Variants in SPAG16 observed in about 807,000 individuals in gnomAD.
The protein encoded by SPAG16 is sperm-associated antigen 16 protein.
SPAG16 carries 86 observed loss-of-function variants against 80.4 expected under a neutral mutation model. The observed-to-expected ratio is 1.07, with a 90% confidence interval of 0.90 to 1.28. The LOEUF is 1.28. Among genes scored for constraint, SPAG16 ranks in the 50% most tolerant of loss-of-function variants. The probability of loss-of-function intolerance (pLI) is 0.00; values close to 1 mark genes in which losing one functional copy is unlikely to be tolerated. For synonymous variants in SPAG16, 294 were observed against 265.9 expected, an observed-to-expected ratio of 1.11 and a Z score of -1.03; for missense variants, 870 against 765.3, an observed-to-expected ratio of 1.14 and a Z score of -1.61.
intron 9 of SPAG16, among the ~76,000 whole-genome samples, chr2:213,462,018 A>G (rs897449593): frequency 1.3e-5 from 2 of 152,210 alleles, no homozygotes; most frequent in African/African-American, 4.8e-5. Context: ...ATTATCAGTC[A>G]TAAATGAGAT....
At chr2:213,608,017 T>A (rs920769713) in intron 10 of SPAG16, among the ~76,000 whole-genome samples, 3 of 152,192 alleles carry the variant, frequency 2.0e-5, no homozygotes, top group Non-Finnish European at 2.9e-5. Flanking sequence ...TAATTTTTTT[T>A]ATAATGTTAT....
At chr2:214,177,977 A>G (rs1234082942) in intron 15 of SPAG16, among the ~76,000 whole-genome samples, 330 of 12,590 alleles carry the variant, frequency 0.026, 9 homozygotes, top group African/African-American at 0.044. Context: ...GTATGTATAT[A>G]TATATATATA....
intron 15 of SPAG16, chr2:214,239,132 G>C (rs968895745): frequency 6.6e-6 from 1 of 152,104 alleles, no homozygotes; most frequent in African/African-American, 2.4e-5. Flanking sequence ...GTGGCCTCAA[G>C]TAATTCTCCT....
intron 6 of SPAG16, 27 bp downstream of exon 6, chr2:213,340,297 A>G: frequency 2.1e-6 from 3 of 1,422,774 alleles, no homozygotes; most frequent in Middle Eastern, 1.8e-4. Flanking sequence ...TGGCATATTT[A>G]TTAAAGAGTT....
intron 10 of SPAG16, among the ~76,000 whole-genome samples, chr2:213,554,145 A>C (rs1482666933): frequency 6.6e-6 from 1 of 152,228 alleles, no homozygotes; most frequent in African/African-American, 2.4e-5. Context: ...CTCTGGTATG[A>C]GAAAAGGAGG....
At chr2:213,679,486 T>C (rs114508061) in intron 10 of SPAG16, among the ~76,000 whole-genome samples, 7,163 of 152,276 alleles carry the variant, frequency 0.047, 252 homozygotes, top group Middle Eastern at 0.088. Context: ...AATTTTGCCT[T>C]AACGTCCTTT....
intron 15 of SPAG16, among the ~76,000 whole-genome samples, chr2:214,320,663 G>C (rs1328679885): frequency 6.6e-6 from 1 of 152,146 alleles, no homozygotes; most frequent in Non-Finnish European, 1.5e-5. Flanking sequence ...CTGTGCAAAG[G>C]GGGCAGGGCG....
intron 10 of SPAG16, among the ~76,000 whole-genome samples, chr2:213,713,448 C>A (rs548109790): frequency 6.6e-6 from 1 of 152,288 alleles, no homozygotes; most frequent in East Asian, 1.9e-4. Context: ...AAGTGTCCTG[C>A]ATTTGGAGGA....
intron 9 of SPAG16, among the ~76,000 whole-genome samples, chr2:213,441,299 G>A (rs2070937553): frequency 6.6e-6 from 1 of 152,186 alleles, no homozygotes. Context: ...ACAATGATAT[G>A]TTATCCATCT....
chr2:213,492,708 G>A (rs1309984136), intron 10 of SPAG16, among the ~76,000 whole-genome samples: 6 of 149,518 alleles, frequency 4.0e-5, no homozygotes, highest in African/African-American at 1.5e-4. Context: ...TTGTGCTTGG[G>A]GACTATGTAT....
chr2:213,411,194 A>G (rs972279125), intron 9 of SPAG16, among the ~76,000 whole-genome samples: 3 of 152,218 alleles, frequency 2.0e-5, no homozygotes, highest in Non-Finnish European at 4.4e-5. Flanking sequence ...CAGAGGAAGG[A>G]AAAATAAGAC....
intron 12 of SPAG16, among the ~76,000 whole-genome samples, chr2:213,950,180 C>A (rs971080121): frequency 6.6e-6 from 1 of 152,110 alleles, no homozygotes; most frequent in Non-Finnish European, 1.5e-5. Context: ...AGAAAAGGTT[C>A]GTGTAGTGTC....
At chr2:213,851,387 A>G (rs529693429) in intron 10 of SPAG16, among the ~76,000 whole-genome samples, 9 of 152,186 alleles carry the variant, frequency 5.9e-5, no homozygotes, top group African/African-American at 1.9e-4. Flanking sequence ...GGGTGCCTGT[A>G]ATCTCAGCTA....
intron 9 of SPAG16, among the ~76,000 whole-genome samples, chr2:213,387,729 C>T (rs2067523105): frequency 6.6e-6 from 1 of 151,882 alleles, no homozygotes; most frequent in South Asian, 2.1e-4. Context: ...GCTGGGATTA[C>T]AGGCGTGAGC....
intron 13 of SPAG16, among the ~76,000 whole-genome samples, chr2:214,074,058 C>T (rs963165464): frequency 5.9e-5 from 9 of 152,086 alleles, no homozygotes; most frequent in East Asian, 1.9e-4. Flanking sequence ...CCTACATCCA[C>T]GCAAATCATA....
chr2:213,366,959 C>A (rs1428494720), intron 8 of SPAG16, among the ~76,000 whole-genome samples: 2 of 152,002 alleles, frequency 1.3e-5, no homozygotes. Flanking sequence ...CATGACAGGC[C>A]CCGGTGTGTG....
At chr2:213,293,156 T>C (rs964768460) in intron 1 of SPAG16, among the ~76,000 whole-genome samples, 1 of 152,218 alleles carries the variant, frequency 6.6e-6, no homozygotes. Flanking sequence ...GCATTTCCAC[T>C]GCTTGCACCC....
At chr2:214,290,069 C>A (rs1018531779) in intron 15 of SPAG16, among the ~76,000 whole-genome samples, 1 of 151,862 alleles carries the variant, frequency 6.6e-6, no homozygotes, top group African/African-American at 2.4e-5. Flanking sequence ...GCTGGGAGAC[C>A]TTTCGTTACT....
intron 7 of SPAG16, among the ~76,000 whole-genome samples, chr2:213,359,659 G>C (rs749627701): frequency 6.6e-6 from 1 of 152,172 alleles, no homozygotes; most frequent in East Asian, 1.9e-4. Context: ...GAAGTGCCTC[G>C]TTTTTCCAGG....
Sources: allele counts gnomAD v4.1 joint callset (sites outside exome capture counted in the v4.1 genomes callset), GRCh38; gene constraint gnomAD v4.1.1; transcripts MANE v1.5; gene names NCBI Gene and HGNC (gene_info 2026-07-23, HGNC 2026-07-21).